Variants in DCAF8L1 observed in about 807,000 individuals in gnomAD.
DCAF8L1 encodes the protein DDB1- and CUL4-associated factor 8-like protein 1.
For synonymous variants in DCAF8L1, 217 were observed against 186.8 expected, an observed-to-expected ratio of 1.16 and a Z score of -1.32; for missense variants, 434 against 481.6, an observed-to-expected ratio of 0.90 and a Z score of 0.92.
Position 27,981,262 on chromosome X carries a change from C to T in DCAF8L1, c.73G>A (p.Glu25Lys), listed in dbSNP as rs769053531. The T allele has an allele frequency of 9.1e-6, 11 of 1,211,146 alleles. No homozygotes were observed. The highest frequency in any genetic ancestry group is 1.0e-5 in the Non-Finnish European group (9 of 895,397). The change falls in exon 1 of 1, where the codon GAG becomes AAG. Residue 25 changes from glutamate (E) to lysine (K), a missense_variant. Transcript: ENST00000441525. Reference protein sequence around the residue: ...VTESLFSSPEEQSGVAAVTAA... With the variant: ...VTESLFSSPEKQSGVAAVTAA... The stretch of plus-strand genomic sequence containing the variant: ...GTCACCGCTGCTACTCCAGACTGCT[C>T]CTCTGGGCTGCTGAACAGGCTTTCA...
chrX:27,981,426 G>A lies in DCAF8L1; in HGVS notation c.-92C>T, dbSNP rs1459494295. The A allele has an allele frequency of 5.5e-6, 6 of 1,090,290 alleles. No homozygotes were observed. Among genetic ancestry groups the A allele is most frequent in the Admixed American group, 3.1e-5 (1 of 32,663 alleles). 89.9% of individuals were successfully genotyped at this position (1,090,290 alleles called of 1,213,427 possible). On this transcript the variant is annotated 5_prime_UTR_variant, in exon 1 of 1. Coordinates refer to ENST00000441525, the MANE Select transcript of DCAF8L1 (RefSeq NM_001017930.2). ...GAGCACGCCTGCCCCGAGGACGGAC[G>A]GTCGGAGAAGGCAGTAGGTAAGCAG...
In DCAF8L1 at chrX:27,980,948, A is replaced by T. The variant is rs146077046; in HGVS notation, c.387T>A (p.Asp129Glu). ...MCPRCGGTNH[D>E]QCLLDEDQAL... ...CCTGATCCTCGTCTAACAAACACTG[A>T]TCATGGTTGGTGCCACCGCATCGTG... The change falls in exon 1 of 1, where the codon GAT becomes GAA. Residue 129 changes from aspartate (D) to glutamate (E), a missense_variant. Physicochemically the swap from Asp to Glu is conservative, Grantham distance 45. Transcript: ENST00000441525. 18 of 1,209,930 alleles carry T rather than the reference A, an allele frequency of 1.5e-5. No individual in the cohort carries two copies. In the African/African-American group the frequency reaches 2.3e-4, roughly 15 times the overall value.
rs1214612875 is a variant in DCAF8L1 at position 27,979,252 on chromosome X, A to G, written c.*280T>C. The G allele has an allele frequency of 1.0e-5, 3 of 300,447 alleles. No homozygotes were observed. In the East Asian group the frequency reaches 1.4e-4, roughly 14 times the overall value. 24.8% of individuals were successfully genotyped at this position (300,447 alleles called of 1,213,427 possible). A position where few individuals can be genotyped will look rare whatever the true frequency, so the allele number is the denominator to read the frequency against. On this transcript the variant is annotated 3_prime_UTR_variant, in exon 1 of 1. Coordinates refer to ENST00000441525, the MANE Select transcript of DCAF8L1 (RefSeq NM_001017930.2). ...TTCAAAATAAATTGGTAAAAAATGA[A>G]AAAACTAAAAAGTAATAGCTTTCAG... is the stretch of plus-strand genomic sequence containing the variant.
chrX:27,980,869 G>C lies in DCAF8L1; in HGVS notation c.466C>G (p.Gln156Glu), dbSNP rs764141269. ...ETSALPRSRW[Q>E]VLTALRQRQL... is the part of the protein sequence containing the mutation. ...CGCTGGCGAAGAGCAGTAAGGACTT[G>C]CCAGCGAGATCGGGGCAGGGCAGAT... Residue 156 changes from glutamine (Q) to glutamate (E), a missense_variant, in exon 1 of 1, where the codon CAA becomes GAA. Physicochemically the swap from Gln to Glu is conservative, Grantham distance 29 (BLOSUM62 2). Coordinates refer to ENST00000441525, the MANE Select transcript of DCAF8L1 (RefSeq NM_001017930.2). 1 of 1,211,483 alleles carries C rather than the reference G, an allele frequency of 8.3e-7. No homozygotes were observed. The highest frequency in any genetic ancestry group is 1.8e-5 in the South Asian group (1 of 56,853).
chrX:27,979,300 A>G lies in DCAF8L1; in HGVS notation c.*232T>C. ...CAGAATGTCTGAAATGAGTAGATAC[A>G]TCTAATAAGGCCATTAATTTTTTCA... On this transcript the variant is annotated 3_prime_UTR_variant, in exon 1 of 1. Coordinates refer to ENST00000441525, the MANE Select transcript of DCAF8L1 (RefSeq NM_001017930.2). The G allele has an allele frequency of 5.5e-6, 2 of 360,997 alleles. No individual in the cohort carries two copies. The highest frequency in any genetic ancestry group is 2.4e-4 in the South Asian group (2 of 8,166). 29.8% of individuals were successfully genotyped at this position (360,997 alleles called of 1,213,427 possible).
rs1277332532 is a variant in DCAF8L1, at chrX:27,980,731, T to C, written c.604A>G (p.Ile202Val). Reference sequence around the variant, plus strand: ...CGGGTGCCACGCTGGTTAAAGTGTATGGTACTGACAGAACCGGCATGGCTT... The same window carrying C: ...CGGGTGCCACGCTGGTTAAAGTGTACGGTACTGACAGAACCGGCATGGCTT... ...LGSHAGSVST[I>V]HFNQRGTRLA... is the part of the protein sequence containing the mutation. The change falls in exon 1 of 1, where the codon ATA becomes GTA. Residue 202 changes from isoleucine (I) to valine (V), a missense_variant. Ile to Val is a conservative substitution (Grantham distance 29). Transcript: ENST00000441525. 7 of 1,210,963 alleles carry C rather than the reference T, an allele frequency of 5.8e-6. No homozygotes were observed. Among genetic ancestry groups the C allele is most frequent in the Non-Finnish European group, 6.7e-6 (6 of 895,039 alleles).
In DCAF8L1 at chrX:27,980,107, T is replaced by G; in HGVS notation, c.1228A>C (p.Asn410His). The change falls in exon 1 of 1, where the codon AAT (asparagine) becomes CAT (histidine). Residue 410 changes from asparagine to histidine, a missense_variant. Physicochemically the swap from Asn to His is moderately conservative, Grantham distance 68. Coordinates refer to ENST00000441525, the MANE Select transcript of DCAF8L1 (RefSeq NM_001017930.2). Reference protein sequence around the residue: ...HDGTELLASYNDEDIYLFNSS... With the variant: ...HDGTELLASYHDEDIYLFNSS... ...TTGAAGAGGTAAATATCTTCATCAT[T>G]GTAGCTGGCCAGGAGCTCTGTGCCA... 8.3e-7 allele frequency: 1 copy of G among 1,211,837 alleles called. No individual in the cohort carries two copies. Among genetic ancestry groups the G allele is most frequent in the Non-Finnish European group, 1.1e-6 (1 of 895,570 alleles).
chrX:27,979,558 C>T lies in DCAF8L1; in HGVS notation c.1777G>A (p.Asp593Asn). Residue 593 changes from aspartate to asparagine, a missense_variant, in exon 1 of 1, where the codon GAT becomes AAT. Physicochemically the swap from Asp to Asn is conservative, Grantham distance 23. Coordinates refer to ENST00000441525, the MANE Select transcript of DCAF8L1 (RefSeq NM_001017930.2). ...TSDTSEEEGQ[D>N]RVQCIPS ...CAGGATGGTATGCACTGCACTCGAT[C>T]TTGGCCCTCCTCCTCGGATGTATCT... The T allele has an allele frequency of 8.3e-7, 1 of 1,208,477 alleles. No individual in the cohort carries two copies. The highest frequency in any genetic ancestry group is 1.1e-6 in the Non-Finnish European group (1 of 893,604).
Position 27,979,596 on chromosome X carries a change from G to A in DCAF8L1, c.1739C>T (p.Ser580Phe), listed in dbSNP as rs765295087. The change falls in exon 1 of 1, where the codon TCT becomes TTT. Residue 580 changes from serine (S) to phenylalanine (F), a missense_variant. Ser to Phe is a radical substitution (Grantham distance 155). Transcript: ENST00000441525. ...CTCGGATGTATCTGAGGTGCTGGAAGACTCATCCAACTCTTCTTCATCTGG... is the reference window on the plus strand; with the variant it reads ...CTCGGATGTATCTGAGGTGCTGGAAAACTCATCCAACTCTTCTTCATCTGG... ...EFPDEEELDE[S>F]SSTSDTSEEE... is the part of the protein sequence containing the mutation. The A allele has an allele frequency of 8.3e-7, 1 of 1,211,747 alleles. No individual in the cohort carries two copies. Among genetic ancestry groups the A allele is most frequent in the East Asian group, 3.0e-5 (1 of 33,821 alleles).
In DCAF8L1 at chrX:27,980,141, G is replaced by A. The variant is rs757854054; in HGVS notation, c.1194C>T (p.Tyr398=). Residue 398 remains tyrosine, a synonymous_variant, in exon 1 of 1, where the codon TAC becomes TAT. Coordinates refer to ENST00000441525, the MANE Select transcript of DCAF8L1 (RefSeq NM_001017930.2). The part of the protein sequence containing the change: ...DFPTNITCVV[Y]SHDGTELLAS... Reference sequence around the variant, plus strand: ...CCAGGAGCTCTGTGCCATCGTGGCTGTACACAACGCAGGTGATGTTTGTTG... The same window carrying A: ...CCAGGAGCTCTGTGCCATCGTGGCTATACACAACGCAGGTGATGTTTGTTG... 2 of 1,209,908 alleles carry A rather than the reference G, an allele frequency of 1.7e-6. No individual in the cohort carries two copies. The highest frequency in any genetic ancestry group is 2.2e-6 in the Non-Finnish European group (2 of 895,295).
In DCAF8L1 at chrX:27,979,900, C is replaced by T. The variant is rs1334854011; in HGVS notation, c.1435G>A (p.Asp479Asn). ...AGACAGTTTACTATATCTCCTCTGTCCCCCTCCATGAACTGGATGATCTGG... is the reference window on the plus strand; with the variant it reads ...AGACAGTTTACTATATCTCCTCTGTTCCCCTCCATGAACTGGATGATCTGG... ...SSQIIQFMEG[D>N]RGDIVNCLEP... The change falls in exon 1 of 1, where the codon GAC (aspartate) becomes AAC (asparagine). Residue 479 changes from aspartate (D) to asparagine (N), a missense_variant. Physicochemically the swap from Asp to Asn is conservative, Grantham distance 23 (BLOSUM62 1). Coordinates refer to ENST00000441525, the MANE Select transcript of DCAF8L1 (RefSeq NM_001017930.2). The T allele has an allele frequency of 1.7e-6, 2 of 1,209,811 alleles. No individual in the cohort carries two copies. Among genetic ancestry groups the T allele is most frequent in the South Asian group, 1.8e-5 (1 of 56,645 alleles).
rs757727199 is a variant in DCAF8L1, at chrX:27,980,874, C to T, written c.461G>A (p.Arg154His). 6.6e-6 allele frequency: 8 copies of T among 1,211,281 alleles called. No individual in the cohort carries two copies. The highest frequency in any genetic ancestry group is 5.9e-5 in the East Asian group (2 of 33,735). Residue 154 changes from arginine (R) to histidine (H), a missense_variant, in exon 1 of 1, where the codon CGC becomes CAC. Coordinates refer to ENST00000441525, the MANE Select transcript of DCAF8L1 (RefSeq NM_001017930.2). ...GCGAAGAGCAGTAAGGACTTGCCAG[C>T]GAGATCGGGGCAGGGCAGATGTCTC... ...SSETSALPRSRWQVLTALRQR... is the reference protein window; with the variant it reads ...SSETSALPRSHWQVLTALRQR...
Position 27,981,240 on chromosome X carries a change from AC to A in DCAF8L1, c.94del (p.Val32Ter), listed in dbSNP as rs1926649138. 2 of 1,208,653 alleles carry A rather than the reference AC, an allele frequency of 1.7e-6. No homozygotes were observed. The highest frequency in any genetic ancestry group is 2.2e-5 in the Admixed American group (1 of 45,556). On this transcript the variant is annotated frameshift_variant, in exon 1 of 1. Coordinates refer to ENST00000441525, the MANE Select transcript of DCAF8L1 (RefSeq NM_001017930.2). LOFTEE classifies it low-confidence loss of function (END_TRUNC). ...TTCAATGTCTGAGGAGGCCGCCGTC[AC>A]CGCTGCTACTCCAGACTGCTCCTCT... Reference protein sequence around the residue: ...SPEEQSGVAAVTAASSDIEMA... With the variant: ...SPEEQSGVAAXTAASSDIEMA...
rs760109139 is a variant in DCAF8L1, at chrX:27,979,975, C to T, written c.1360G>A (p.Val454Met). 5 of 1,208,527 alleles carry T rather than the reference C, an allele frequency of 4.1e-6. No homozygotes were observed. Among genetic ancestry groups the T allele is most frequent in the Admixed American group, 4.4e-5 (2 of 45,505 alleles). The stretch of plus-strand genomic sequence containing the variant: ...ACGTGCCCACAATCACTACCGCTCA[C>T]GACAAACTCACTCCGGGGGCCATAG... Reference protein sequence around the residue: ...NFYGPRSEFVVSGSDCGHVFF... With the variant: ...NFYGPRSEFVMSGSDCGHVFF... The change falls in exon 1 of 1, where the codon GTG becomes ATG. Residue 454 changes from valine (V) to methionine (M), a missense_variant. By Grantham distance (21) the Val-to-Met change is conservative. Transcript: ENST00000441525.
chrX:27,977,996 A>G lies in DCAF8L1; in HGVS notation c.*1536T>C, dbSNP rs1481608329. ...CATTTACACAAATAACACATATAAA[A>G]TAAAAATGAATATTTTTATTGAACA... On this transcript the variant is annotated 3_prime_UTR_variant, in exon 1 of 1. Transcript: ENST00000441525. 6 of 112,191 alleles carry G rather than the reference A, an allele frequency of 5.3e-5. No individual in the cohort carries two copies. The highest frequency in any genetic ancestry group is 1.9e-4 in the African/African-American group (6 of 30,837). 9.2% of individuals were successfully genotyped at this position (112,191 alleles called of 1,213,427 possible). A position where few individuals can be genotyped will look rare whatever the true frequency, so the allele number is the denominator to read the frequency against.
In DCAF8L1 at chrX:27,980,823, C is replaced by T. The variant is rs1368406319; in HGVS notation, c.512G>A (p.Arg171His). ...LRQRQLGSSA[R>H]FVYEACGART... ...TGCCCCACAGGCCTCATATACAAAG[C>T]GGGCACTTGAACCCAGCTGCCGCTG... Residue 171 changes from arginine to histidine, a missense_variant, in exon 1 of 1, where the codon CGC becomes CAC. Arg to His is a conservative substitution (Grantham distance 29, BLOSUM62 0). Transcript: ENST00000441525. 14 of 1,208,967 alleles carry T rather than the reference C, an allele frequency of 1.2e-5. No individual in the cohort carries two copies. The East Asian group carries it at 2.1e-4, about 18-fold the overall frequency.
Position 27,979,376 on chromosome X carries a change from G to A in DCAF8L1, c.*156C>T, listed in dbSNP as rs551497746. ...AATTATAAGGGAACAAAGGAAAAGA[G>A]GCATAAATAAGTTGTGTATGCACTC... On this transcript the variant is annotated 3_prime_UTR_variant, in exon 1 of 1. Coordinates refer to ENST00000441525, the MANE Select transcript of DCAF8L1 (RefSeq NM_001017930.2). The A allele has an allele frequency of 2.3e-4, 157 of 669,828 alleles. 1 individual carries two copies. In the South Asian group the frequency reaches 2.4e-3, roughly 10 times the overall value. The allele number at this position is 669,828 out of a possible 1,213,427, so 55.2% of individuals were successfully genotyped here.
chrX:27,979,515 G>T lies in DCAF8L1; in HGVS notation c.*17C>A. On this transcript the variant is annotated 3_prime_UTR_variant, in exon 1 of 1. Transcript: ENST00000441525. ...AGTGTACTTAGGTGGCATCTAGCTG[G>T]ACTGGATATGAGGCCTTCAGGATGG... 4.3e-6 allele frequency: 5 copies of T among 1,167,028 alleles called. No homozygotes were observed. Among genetic ancestry groups the T allele is most frequent in the Non-Finnish European group, 5.7e-6 (5 of 871,873 alleles).
At position 27,981,266 on chromosome X, in the gene DCAF8L1, T is replaced by A; in HGVS notation, c.69A>T (p.Pro23=). Residue 23 remains proline (P), a synonymous_variant, in exon 1 of 1, where the codon CCA becomes CCT. Transcript: ENST00000441525. ...DLVTESLFSS[P]EEQSGVAAVT... Reference sequence around the variant, plus strand: ...CCGCTGCTACTCCAGACTGCTCCTCTGGGCTGCTGAACAGGCTTTCAGTCA... The same window carrying A: ...CCGCTGCTACTCCAGACTGCTCCTCAGGGCTGCTGAACAGGCTTTCAGTCA... 1 of 1,211,279 alleles carries A rather than the reference T, an allele frequency of 8.3e-7. No individual in the cohort carries two copies. Among genetic ancestry groups the A allele is most frequent in the South Asian group, 1.8e-5 (1 of 56,893 alleles).
Sources: gnomAD v4.1 joint callset for allele counts on GRCh38, gnomAD v4.1.1 for gene constraint, MANE v1.5 for transcripts, NCBI Gene and HGNC (gene_info 2026-07-23, HGNC 2026-07-21) for gene names.